CPNE4: variants seen among roughly 807,000 people sequenced by gnomAD.
The protein encoded by CPNE4 is copine 4, also known as copine-4.
Under a neutral mutation model 67.9 loss-of-function variants are expected in CPNE4, and 25 were observed. The observed-to-expected ratio is 0.37, with a 90% CI of 0.27 to 0.51. The LOEUF is 0.51. Among genes scored for constraint, CPNE4 ranks in the 20% least tolerant of loss-of-function variants. CPNE4 has a pLI of 0.93. For synonymous variants in CPNE4, 242 were observed against 244.9 expected, an observed-to-expected ratio of 0.99 and a Z score of 0.11; for missense variants, 464 against 690.8, an observed-to-expected ratio of 0.67 and a Z score of 3.68.
At chr3:131,850,612 G>T (rs1583323169) in intron 2 of CPNE4, among the ~76,000 whole-genome samples, 1 of 152,114 alleles carries the variant, frequency 6.6e-6, no homozygotes, top group African/African-American at 2.4e-5. Context: ...ATGTAACTAA[G>T]ATTGTTCAAT....
intron 2 of CPNE4, among the ~76,000 whole-genome samples, chr3:131,842,341 A>C (rs1172189841): frequency 6.6e-6 from 1 of 152,190 alleles, no homozygotes; most frequent in Non-Finnish European, 1.5e-5. Flanking sequence ...ACTAATGACC[A>C]ACTGGATCCA....
chr3:131,635,127 T>C (rs561806143), intron 7 of CPNE4, among the ~76,000 whole-genome samples: 1 of 152,304 alleles, frequency 6.6e-6, no homozygotes, highest in Non-Finnish European at 1.5e-5. Context: ...CCACGATTTT[T>C]CTCAAATTTG....
At chr3:131,890,072 A>C (rs1382460917) in intron 2 of CPNE4, among the ~76,000 whole-genome samples, 1 of 152,186 alleles carries the variant, frequency 6.6e-6, no homozygotes, top group East Asian at 1.9e-4. Flanking sequence ...CACCAAAAGC[A>C]AACATAGACA....
intron 2 of CPNE4, among the ~76,000 whole-genome samples, chr3:131,759,515 C>T (rs2082837714): frequency 6.6e-6 from 1 of 152,058 alleles, no homozygotes; most frequent in Non-Finnish European, 1.5e-5. Flanking sequence ...ATCAACTGTC[C>T]TTCCCCTGCC....
At chr3:131,889,564 T>C (rs903824945) in intron 2 of CPNE4, among the ~76,000 whole-genome samples, 1 of 152,198 alleles carries the variant, frequency 6.6e-6, no homozygotes, top group African/African-American at 2.4e-5. Context: ...CAGCCAAGAG[T>C]TTATTTTTCT....
chr3:131,802,304 G>T (rs2084160875), intron 2 of CPNE4, among the ~76,000 whole-genome samples: 1 of 152,164 alleles, frequency 6.6e-6, no homozygotes, highest in Non-Finnish European at 1.5e-5. Context: ...TGGGAAGTCT[G>T]CAACTTAAAG....
chr3:131,945,688 T>G (rs1466387422), intron 1 of CPNE4, among the ~76,000 whole-genome samples: 1 of 152,188 alleles, frequency 6.6e-6, no homozygotes, highest in African/African-American at 2.4e-5. Context: ...CTTCCCACTT[T>G]ATTTTTTGTA....
rs114236770 is a variant in CPNE4, at chr3:131,882,546, C to T, written c.180+22718G>A. On this transcript the variant is annotated intron_variant, in intron 2 of 15. Transcript: ENST00000429747. ...AATATGAATATCCTTTAACCCAGCA[C>T]TTCCTAACAATCATATTTCACTTAA... 3.5e-3 allele frequency among the ~76,000 whole-genome samples: 533 copies of T among 152,226 alleles called. 2 individuals are homozygous for T. Among genetic ancestry groups the T allele is most frequent in the African/African-American group, 0.013 (521 of 41,552 alleles).
At chr3:131,940,419 T>C (rs1478838603) in intron 1 of CPNE4, among the ~76,000 whole-genome samples, 2 of 152,156 alleles carry the variant, frequency 1.3e-5, no homozygotes, top group African/African-American at 2.4e-5. Flanking sequence ...ATCAGTATTA[T>C]TTCATGTTTT....
chr3:131,912,551 C>T (rs1052401171), intron 1 of CPNE4, among the ~76,000 whole-genome samples: 2 of 152,110 alleles, frequency 1.3e-5, no homozygotes, highest in Admixed American at 1.3e-4. Flanking sequence ...GCCTGATGTG[C>T]TGAATGCTGG....
intron 2 of CPNE4, among the ~76,000 whole-genome samples, chr3:131,895,929 A>C (rs534546253): frequency 6.6e-6 from 1 of 151,956 alleles, no homozygotes; most frequent in African/African-American, 2.4e-5. Context: ...TGGCTAAAAA[A>C]CTTATCTAAT....
chr3:131,552,064 G>GAA (rs5852631), intron 13 of CPNE4, among the ~76,000 whole-genome samples: 2 of 124,800 alleles, frequency 1.6e-5, no homozygotes, highest in Admixed American at 8.3e-5. Context: ...ATGAAGTTGT[G>GAA]AAAAAAAAAA....
intron 7 of CPNE4, among the ~76,000 whole-genome samples, chr3:131,654,519 T>C (rs1400853686): frequency 1.3e-5 from 2 of 152,208 alleles, no homozygotes; most frequent in Non-Finnish European, 2.9e-5. Flanking sequence ...TGTTTCTGTG[T>C]TAGTTTAAAG....
chr3:131,696,122 G>A (rs1451858995), intron 5 of CPNE4, among the ~76,000 whole-genome samples: 4 of 152,250 alleles, frequency 2.6e-5, no homozygotes, highest in East Asian at 3.9e-4. Flanking sequence ...CTATTAATAC[G>A]TGATAAATAG....
intron 2 of CPNE4, among the ~76,000 whole-genome samples, chr3:131,832,843 T>C (rs1464527220): frequency 1.3e-5 from 2 of 152,184 alleles, no homozygotes; most frequent in Non-Finnish European, 2.9e-5. Flanking sequence ...ATGTAATGAA[T>C]GTATTTTGCA....
chr3:131,953,999 T>C (rs1358161729), intron 1 of CPNE4, among the ~76,000 whole-genome samples: 1 of 152,058 alleles, frequency 6.6e-6, no homozygotes, highest in African/African-American at 2.4e-5. Context: ...AAATATCACA[T>C]ACACCCCATA....
At chr3:131,878,145 T>C (rs2087529880) in intron 2 of CPNE4, among the ~76,000 whole-genome samples, 1 of 152,204 alleles carries the variant, frequency 6.6e-6, no homozygotes, top group South Asian at 2.1e-4. Context: ...AATGTATCCA[T>C]ATGCTCATTG....
chr3:131,913,533 G>A (rs2089066178), intron 1 of CPNE4, among the ~76,000 whole-genome samples: 1 of 152,196 alleles, frequency 6.6e-6, no homozygotes. Flanking sequence ...CCCCAGAAGA[G>A]TGTTAATATA....
At chr3:132,001,557 A>AAGAAG (rs2073438743) in intron 1 of CPNE4, among the ~76,000 whole-genome samples, 1 of 70,580 alleles carries the variant, frequency 1.4e-5, no homozygotes, top group Non-Finnish European at 3.0e-5. Flanking sequence ...AAAAAAGAGA[A>AAGAAG]AGAAAGAAAG....
Sources: allele counts gnomAD v4.1 joint callset (sites outside exome capture counted in the v4.1 genomes callset), GRCh38; gene constraint gnomAD v4.1.1; transcripts MANE v1.5; gene names NCBI Gene and HGNC (gene_info 2026-07-23, HGNC 2026-07-21).